CDS2: variants seen among roughly 807,000 people sequenced by gnomAD.
CDS2 encodes phosphatidate cytidylyltransferase 2.
In CDS2, 47 loss-of-function variants were observed where a neutral mutation model predicts 59.0. The observed-to-expected ratio is 0.80, with a 90% CI of 0.63 to 1.02. The LOEUF is 1.02. CDS2 is among the 50% of genes least tolerant of loss of function. The pLI is 0.00. For missense variants in CDS2, 356 were observed against 558.9 expected (o/e 0.64, Z 3.66); for synonymous variants, 207 against 206.4 (o/e 1.00, Z -0.02).
At chr20:5,173,034 C>T (rs896498152) in intron 1 of CDS2, among the ~76,000 whole-genome samples, 3 of 152,176 alleles carry the variant, frequency 2.0e-5, no homozygotes, top group South Asian at 4.1e-4. Flanking sequence ...TGATTGACCT[C>T]CTCACAGAGT....
In CDS2 at chr20:5,196,110, C is replaced by T. The variant is rs1485172936; in HGVS notation, c.*5876C>T. The T allele has an allele frequency of 6.6e-6, 1 of 152,114 alleles. No individual in the cohort carries two copies. The highest frequency in any genetic ancestry group is 2.4e-5 in the African/African-American group (1 of 41,406). The allele number at this position is 152,114 out of a possible 1,614,324, so 9.4% of individuals were successfully genotyped here. On this transcript the variant is annotated 3_prime_UTR_variant, in exon 13 of 13. Coordinates refer to ENST00000460006, the MANE Select transcript of CDS2 (RefSeq NM_003818.4). The stretch of plus-strand genomic sequence containing the variant: ...TGGGTATTAGTGGGACCCAACAGCA[C>T]ATTGCTATTAATAGTATGGAAATAA...
At position 5,167,610 on chromosome 20, in the gene CDS2, T is replaced by A. The variant is rs145723891; in HGVS notation, c.58-5913T>A. Among the ~76,000 whole-genome samples, 33 of 152,338 alleles carry A rather than the reference T, an allele frequency of 2.2e-4. 1 individual carries two copies. In the East Asian group the frequency reaches 5.8e-3, roughly 27 times the overall value. On this transcript the variant is annotated intron_variant, in intron 1 of 12. Transcript: ENST00000460006. Reference sequence around the variant, plus strand: ...ATGAAAGCCTACTTGGCTTTTTCATTGAGAGGGCCACCTAAGTCCCTGACA... The same window carrying A: ...ATGAAAGCCTACTTGGCTTTTTCATAGAGAGGGCCACCTAAGTCCCTGACA...
chr20:5,169,220 C>T (rs777552292), intron 1 of CDS2, among the ~76,000 whole-genome samples: 1 of 152,160 alleles, frequency 6.6e-6, no homozygotes, highest in African/African-American at 2.4e-5. Flanking sequence ...CCTCTGTTCC[C>T]GGCCCTCGGG....
chr20:5,185,028 A>C (rs2123061656), intron 8 of CDS2, 83 bp downstream of exon 8: 1 of 1,005,392 alleles, frequency 9.9e-7, no homozygotes, highest in Admixed American at 1.7e-5. Context: ...TGGCAGACAG[A>C]AGAAATCTAG....
chr20:5,137,884 C>T (rs533476051), intron 1 of CDS2, among the ~76,000 whole-genome samples: 15 of 151,866 alleles, frequency 9.9e-5, no homozygotes, highest in Middle Eastern at 3.4e-3. Context: ...CTCCAAGCTC[C>T]GACTCCCGGG....
chr20:5,132,437 C>T (rs895606701), intron 1 of CDS2, among the ~76,000 whole-genome samples: 43 of 152,128 alleles, frequency 2.8e-4, no homozygotes, highest in African/African-American at 1.0e-3. Context: ...TTCAGTACTC[C>T]GAATCACAGG....
rs868535299 is a variant in CDS2 at position 5,154,890 on chromosome 20, C to T, written c.58-18633C>T. Among the ~76,000 whole-genome samples, 3 of 152,328 alleles carry T rather than the reference C, an allele frequency of 2.0e-5. 1 individual carries two copies. The highest frequency in any genetic ancestry group is 4.1e-4 in the South Asian group (2 of 4,826). On this transcript the variant is annotated intron_variant, in intron 1 of 12. Coordinates refer to ENST00000460006, the MANE Select transcript of CDS2 (RefSeq NM_003818.4). ...CTCAAACTTCTGAGCTCAAGCGATC[C>T]GCCTGCCTTGGCCTCCCAAAGTGCT...
At chr20:5,144,580 ATACT>A (rs1320704613) in intron 1 of CDS2, among the ~76,000 whole-genome samples, 2 of 152,232 alleles carry the variant, frequency 1.3e-5, no homozygotes, top group Non-Finnish European at 2.9e-5. Context: ...GAGATTTGAC[ATACT>A]TACCAAAATG....
chr20:5,176,333 G>C (rs1170195085), intron 3 of CDS2: 1 of 224,816 alleles, frequency 4.4e-6, no homozygotes, highest in Non-Finnish European at 9.0e-6. Context: ...GAGGCAGGTG[G>C]ATTGCTTGAG....
chr20:5,193,407 A>C lies in CDS2; in HGVS notation c.*3173A>C, dbSNP rs901890866. On this transcript the variant is annotated 3_prime_UTR_variant, in exon 13 of 13. Coordinates refer to ENST00000460006, the MANE Select transcript of CDS2 (RefSeq NM_003818.4). ...TGGGGAGGATACAACTTTTGACTTT[A>C]CACAGGTGGACTTTGAATCCATTTT... The C allele has an allele frequency of 6.6e-6, 1 of 152,252 alleles. No individual in the cohort carries two copies. The highest frequency in any genetic ancestry group is 1.5e-5 in the Non-Finnish European group (1 of 68,046). The allele number at this position is 152,252 out of a possible 1,614,324, so 9.4% of individuals were successfully genotyped here. A position where few individuals can be genotyped will look rare whatever the true frequency, so the allele number is the denominator to read the frequency against.
At position 5,175,243 on chromosome 20, in the gene CDS2, C is replaced by T. The variant is rs765218084; in HGVS notation, c.255C>T (p.Ile85=). Residue 85 remains isoleucine, a synonymous_variant, in exon 3 of 13, where the codon ATC becomes ATT. Coordinates refer to ENST00000460006, the MANE Select transcript of CDS2 (RefSeq NM_003818.4). The part of the protein sequence containing the change: ...LTLAMIAFFF[I]IIYLGPMVLM... ...TGGCCATGATTGCATTTTTCTTCAT[C>T]ATCATTTACCTGGGACCAATGGTTT... The T allele has an allele frequency of 3.7e-6, 6 of 1,613,982 alleles. No individual in the cohort carries two copies. In the South Asian group the frequency reaches 5.5e-5, roughly 15 times the overall value.
chr20:5,155,283 G>A (rs766074598), intron 1 of CDS2, among the ~76,000 whole-genome samples: 4 of 151,858 alleles, frequency 2.6e-5, no homozygotes, highest in Admixed American at 6.6e-5. Context: ...CACAAATGCC[G>A]GCAAAGCCAG....
chr20:5,136,552 T>C (rs2090651536), intron 1 of CDS2, among the ~76,000 whole-genome samples: 2 of 152,328 alleles, frequency 1.3e-5, no homozygotes, highest in East Asian at 1.9e-4. Context: ...TTTTACTCTT[T>C]GAGATTTCCC....
chr20:5,176,556 T>G, intron 3 of CDS2, 92 bp from the exon 4 acceptor site: 2 of 949,198 alleles, frequency 2.1e-6, no homozygotes, highest in Admixed American at 1.7e-5. Flanking sequence ...TTCTTAAGTA[T>G]AATGGGTTTT....
intron 1 of CDS2, among the ~76,000 whole-genome samples, chr20:5,130,250 C>T (rs569059535): frequency 1.3e-5 from 2 of 152,132 alleles, no homozygotes; most frequent in East Asian, 3.9e-4. Context: ...GCTGGGATTA[C>T]AGGTGTGAGC....
intron 1 of CDS2, among the ~76,000 whole-genome samples, chr20:5,158,389 T>G (rs1421499738): frequency 3.9e-5 from 6 of 152,090 alleles, no homozygotes; most frequent in African/African-American, 1.4e-4. Flanking sequence ...CCAGGTTGAT[T>G]TTGAGCACGT....
In CDS2 at chr20:5,196,447, G is replaced by T. The variant is rs2091158056; in HGVS notation, c.*6213G>T. On this transcript the variant is annotated 3_prime_UTR_variant, in exon 13 of 13. Transcript: ENST00000460006. ...CAGTGGTCTCCCGGGCATTGGGCAGGGCCTAGCCTTTTGCAGCCCCCAGAG... is the reference window on the plus strand; with the variant it reads ...CAGTGGTCTCCCGGGCATTGGGCAGTGCCTAGCCTTTTGCAGCCCCCAGAG... 2 of 152,172 alleles carry T rather than the reference G, an allele frequency of 1.3e-5. No individual in the cohort carries two copies. Among genetic ancestry groups the T allele is most frequent in the African/African-American group, 4.8e-5 (2 of 41,442 alleles). The allele number at this position is 152,172 out of a possible 1,614,324, so 9.4% of individuals were successfully genotyped here.
intron 1 of CDS2, among the ~76,000 whole-genome samples, chr20:5,132,359 A>C (rs2090614483): frequency 6.6e-6 from 1 of 152,118 alleles, no homozygotes; most frequent in South Asian, 2.1e-4. Flanking sequence ...TGGCCTCCTG[A>C]AGTGCTGGGA....
chr20:5,157,483 C>G (rs911196751), intron 1 of CDS2, among the ~76,000 whole-genome samples: 1 of 152,130 alleles, frequency 6.6e-6, no homozygotes. Flanking sequence ...GATGCGGGAC[C>G]TGGGGCCTGG....
Sources: allele counts gnomAD v4.1 joint callset (sites outside exome capture counted in the v4.1 genomes callset), GRCh38; gene constraint gnomAD v4.1.1; transcripts MANE v1.5; gene names NCBI Gene and HGNC (gene_info 2026-07-23, HGNC 2026-07-21).